The following CAVIN2 variants were observed in gnomAD, a reference collection of about 807,000 sequenced individuals.
CAVIN2 encodes the protein caveolae-associated protein 2.
In CAVIN2, 13 loss-of-function variants were observed where a neutral mutation model predicts 11.7. That is an observed-to-expected ratio of 1.11 (90% CI 0.72 to 1.77). The LOEUF (loss-of-function observed/expected upper bound fraction) is 1.77. CAVIN2 is among the 40% of genes most tolerant of loss of function. CAVIN2 has a pLI of 0.00. For synonymous variants in CAVIN2, 237 were observed against 223.2 expected (o/e 1.06, Z -0.55); for missense variants, 549 against 542.9 (o/e 1.01, Z -0.11).
chr2:191,836,587 T>A lies in CAVIN2; in HGVS notation c.614A>T (p.Asp205Val), dbSNP rs748621766. ...CTCCTCATCGTGGGGCAAATCATCATCTGAGGAGAGGTCCACGGTGTGCAG... is the reference window on the plus strand; with the variant it reads ...CTCCTCATCGTGGGGCAAATCATCAACTGAGGAGAGGTCCACGGTGTGCAG... ...ETLHTVDLSS[D>V]DDLPHDEEAL... Residue 205 changes from aspartate to valine, a missense_variant, in exon 2 of 2, where the codon GAT (aspartate) becomes GTT (valine). Asp to Val is a radical substitution (Grantham distance 152, BLOSUM62 -3). Transcript: ENST00000304141. 2 of 1,614,126 alleles carry A rather than the reference T, an allele frequency of 1.2e-6. No individual in the cohort carries two copies. Among genetic ancestry groups the A allele is most frequent in the South Asian group, 1.1e-5 (1 of 91,076 alleles).
intron 1 of CAVIN2, among the ~76,000 whole-genome samples, chr2:191,840,983 A>G (rs1411174955): frequency 6.6e-6 from 1 of 152,212 alleles, no homozygotes; most frequent in Non-Finnish European, 1.5e-5. Flanking sequence ...AATACTAGTT[A>G]CTAAAATGAA....
chr2:191,843,630 G>A (rs1488797037), intron 1 of CAVIN2, among the ~76,000 whole-genome samples: 1 of 152,128 alleles, frequency 6.6e-6, no homozygotes, highest in Non-Finnish European at 1.5e-5. Context: ...TTTCAACATG[G>A]CGGTAGTTAT....
chr2:191,837,391 C>G (rs933046376), intron 1 of CAVIN2, among the ~76,000 whole-genome samples: 3 of 152,154 alleles, frequency 2.0e-5, no homozygotes, highest in African/African-American at 7.2e-5. Flanking sequence ...TGGGGAGTTA[C>G]TAAGCGGAGG....
At chr2:191,840,809 G>T (rs73065338) in intron 1 of CAVIN2, among the ~76,000 whole-genome samples, 4,486 of 152,254 alleles carry the variant, frequency 0.029, 228 homozygotes, top group African/African-American at 0.1. Context: ...CTTGAATAAG[G>T]AGAGAAAAAA....
rs1690004272 is a variant in CAVIN2, at chr2:191,835,812, C to T, written c.*111G>A. 1.9e-6 allele frequency: 2 copies of T among 1,073,972 alleles called. No individual in the cohort carries two copies. Among genetic ancestry groups the T allele is most frequent in the East Asian group, 2.6e-5 (1 of 39,108 alleles). The allele number at this position is 1,073,972 out of a possible 1,614,324, so 66.5% of individuals were successfully genotyped here. On this transcript the variant is annotated 3_prime_UTR_variant, in exon 2 of 2. Transcript: ENST00000304141. ...TGACTATATGGTCAATGATTACTGC[C>T]TGGACAGGAACGCAGGAGTGGGTGA...
At chr2:191,843,907 C>T (rs923507832) in intron 1 of CAVIN2, among the ~76,000 whole-genome samples, 3 of 152,190 alleles carry the variant, frequency 2.0e-5, no homozygotes, top group Non-Finnish European at 4.4e-5. Flanking sequence ...TTCAAGAGTA[C>T]GTGCTTTGAA....
chr2:191,836,744 A>C, intron 1 of CAVIN2, 27 bp from the exon 2 acceptor site: 1 of 1,590,972 alleles, frequency 6.3e-7, no homozygotes, highest in Non-Finnish European at 8.6e-7. Flanking sequence ...TGTAGGTTTC[A>C]TGTTAATAAC....
chr2:191,843,635 A>G (rs960719698), intron 1 of CAVIN2, among the ~76,000 whole-genome samples: 1 of 152,172 alleles, frequency 6.6e-6, no homozygotes, highest in East Asian at 1.9e-4. Context: ...ACATGGCGGT[A>G]GTTATACAAT....
chr2:191,844,721 AG>A (rs149691336), intron 1 of CAVIN2, among the ~76,000 whole-genome samples: 45 of 152,044 alleles, frequency 3.0e-4, no homozygotes, highest in Non-Finnish European at 4.9e-4. Context: ...GTTCCCAAGC[AG>A]TTTTTTTTTA....
At position 191,836,392 on chromosome 2, in the gene CAVIN2, T is replaced by G. The variant is rs1690019354; in HGVS notation, c.809A>C (p.Lys270Thr). 1 of 1,614,208 alleles carries G rather than the reference T, an allele frequency of 6.2e-7. No individual in the cohort carries two copies. The highest frequency in any genetic ancestry group is 8.5e-7 in the Non-Finnish European group (1 of 1,180,014). Residue 270 changes from lysine to threonine, a missense_variant, in exon 2 of 2, where the codon AAG becomes ACG. Physicochemically the swap from Lys to Thr is moderately conservative, Grantham distance 78 (BLOSUM62 -1). Coordinates refer to ENST00000304141, the MANE Select transcript of CAVIN2 (RefSeq NM_004657.6). ...ATTTGACGTGAGAGATTTCTTAATC[T>G]TCTCTCTCCTCTCTACAGATACGAT... is the stretch of plus-strand genomic sequence containing the variant. ...TKIVSVERRE[K>T]IKKSLTSNHQ...
intron 1 of CAVIN2, among the ~76,000 whole-genome samples, chr2:191,845,670 TA>T (rs890248691): frequency 2.0e-5 from 3 of 152,176 alleles, no homozygotes; most frequent in African/African-American, 4.8e-5. Context: ...ATTGATGCAT[TA>T]AAAAAAATTA....
At position 191,838,149 on chromosome 2, in the gene CAVIN2, A is replaced by G. The variant is rs544563293; in HGVS notation, c.484-1432T>C. On this transcript the variant is annotated intron_variant, in intron 1 of 1. Transcript: ENST00000304141. The stretch of plus-strand genomic sequence containing the variant: ...CTGGATTTAGTGGATTTTAAAGTCT[A>G]CCTGGGACTTAAACGTCATGCAAAG... Among the ~76,000 whole-genome samples, 21 of 152,354 alleles carry G rather than the reference A, an allele frequency of 1.4e-4. 1 individual carries two copies. The South Asian group carries it at 4.3e-3, about 32-fold the overall frequency.
intron 1 of CAVIN2, among the ~76,000 whole-genome samples, chr2:191,846,070 G>T (rs902705167): frequency 1.3e-5 from 2 of 152,176 alleles, no homozygotes; most frequent in Admixed American, 1.3e-4. Flanking sequence ...AATTTGCCCT[G>T]TCCAGCTAAC....
At chr2:191,837,489 C>T (rs1690040042) in intron 1 of CAVIN2, among the ~76,000 whole-genome samples, 1 of 152,300 alleles carries the variant, frequency 6.6e-6, no homozygotes, top group Non-Finnish European at 1.5e-5. Flanking sequence ...CACAGAGCTT[C>T]TTTGGGCAAG....
rs1231503548 is a variant in CAVIN2 at position 191,845,272 on chromosome 2, C to T, written c.483+1171G>A. On this transcript the variant is annotated intron_variant, in intron 1 of 1. Transcript: ENST00000304141. ...AAAAAAGCAGCGAGATGAGTCTTTC[C>T]TTTTATGGGGGTAGGAAGGCTTCTA... Among the ~76,000 whole-genome samples the T allele has an allele frequency of 8.5e-5, 13 of 152,178 alleles. No homozygotes were observed. The East Asian group carries it at 2.5e-3, about 29-fold the overall frequency.
At position 191,843,770 on chromosome 2, in the gene CAVIN2, A is replaced by G. The variant is rs562549072; in HGVS notation, c.483+2673T>C. On this transcript the variant is annotated intron_variant, in intron 1 of 1. Coordinates refer to ENST00000304141, the MANE Select transcript of CAVIN2 (RefSeq NM_004657.6). Reference sequence around the variant, plus strand: ...CCTTCTTTCTGAGCAAATGAATTTCAGATCCACTCAGTAATATCTTCTATT... The same window carrying G: ...CCTTCTTTCTGAGCAAATGAATTTCGGATCCACTCAGTAATATCTTCTATT... 9.2e-5 allele frequency among the ~76,000 whole-genome samples: 14 copies of G among 152,358 alleles called. No individual in the cohort carries two copies. In the South Asian group the frequency reaches 1.7e-3, roughly 18 times the overall value.
chr2:191,846,653 C>T lies in CAVIN2; in HGVS notation c.273G>A (p.Lys91=). 6.2e-7 allele frequency: 1 copy of T among 1,614,222 alleles called. No homozygotes were observed. Among genetic ancestry groups the T allele is most frequent in the Non-Finnish European group, 8.5e-7 (1 of 1,180,040 alleles). The change falls in exon 1 of 2, where the codon AAG becomes AAA. Residue 91 remains lysine, a synonymous_variant. Coordinates refer to ENST00000304141, the MANE Select transcript of CAVIN2 (RefSeq NM_004657.6). ...QRQISLEGSV[K]GIQNDLTKLS... ...GCTTGGTGAGGTCATTCTGGATGCCCTTCACGGAGCCCTCCAAACTGATCT... is the reference window on the plus strand; with the variant it reads ...GCTTGGTGAGGTCATTCTGGATGCCTTTCACGGAGCCCTCCAAACTGATCT...
chr2:191,847,056 G>A lies in CAVIN2; in HGVS notation c.-131C>T, dbSNP rs546251621. 8 of 1,187,424 alleles carry A rather than the reference G, an allele frequency of 6.7e-6. No homozygotes were observed. In the African/African-American group the frequency reaches 7.7e-5, roughly 11 times the overall value. The allele number at this position is 1,187,424 out of a possible 1,614,324, so 73.6% of individuals were successfully genotyped here. On this transcript the variant is annotated 5_prime_UTR_variant, in exon 1 of 2. Transcript: ENST00000304141. Reference sequence around the variant, plus strand: ...GGCACCAGTCTCCAGGACTGGCAGAGGTTCAGACAGGCAACAACTGGCTAC... The same window carrying A: ...GGCACCAGTCTCCAGGACTGGCAGAAGTTCAGACAGGCAACAACTGGCTAC...
At chr2:191,842,616 C>T (rs752651268) in intron 1 of CAVIN2, among the ~76,000 whole-genome samples, 1 of 152,138 alleles carries the variant, frequency 6.6e-6, no homozygotes, top group Non-Finnish European at 1.5e-5. Context: ...GGTCATGTCA[C>T]AGTATTTTGA....
Sources: allele counts gnomAD v4.1 joint callset (sites outside exome capture counted in the v4.1 genomes callset), GRCh38; gene constraint gnomAD v4.1.1; transcripts MANE v1.5; gene names NCBI Gene and HGNC (gene_info 2026-07-23, HGNC 2026-07-21).